CRYBG1: variants seen among roughly 807,000 people sequenced by gnomAD.
CRYBG1 encodes the protein crystallin beta-gamma domain containing 1.
CRYBG1 carries 139 observed loss-of-function variants against 189.2 expected under a neutral mutation model. The ratio of observed to expected loss-of-function variants is 0.73; its 90% CI spans 0.64 to 0.85. CRYBG1 has a LOEUF of 0.85. CRYBG1 is among the 40% of genes least tolerant of loss of function. CRYBG1 has a pLI of 0.00. For synonymous variants in CRYBG1, 1,023 were observed against 1,017.1 expected, an observed-to-expected ratio of 1.01 and a Z score of -0.11; for missense variants, 2,611 against 2,675.8, an observed-to-expected ratio of 0.98 and a Z score of 0.53.
At chr6:106,553,902 T>A (rs1348313216) in intron 16 of CRYBG1, among the ~76,000 whole-genome samples, 3 of 152,140 alleles carry the variant, frequency 2.0e-5, no homozygotes, top group Non-Finnish European at 4.4e-5. Flanking sequence ...ATCGGCACTC[T>A]GCATTAACAG....
chr6:106,560,690 A>G (rs1582841315), intron 18 of CRYBG1, 113 bp from the exon 19 acceptor site: 2 of 1,230,716 alleles, frequency 1.6e-6, no homozygotes, highest in African/African-American at 1.6e-5. Flanking sequence ...CCCCCAATGT[A>G]TGTTAAAAGT....
At position 106,370,683 on chromosome 6, in the gene CRYBG1, G is replaced by A. The variant is rs139300511; in HGVS notation, c.173+9602G>A. Among the ~76,000 whole-genome samples the A allele has an allele frequency of 1.6e-3, 248 of 152,292 alleles. 2 individuals carry two copies. Among genetic ancestry groups the A allele is most frequent in the African/African-American group, 5.6e-3 (234 of 41,564 alleles). On this transcript the variant is annotated intron_variant, in intron 1 of 21. Coordinates refer to ENST00000633556, the MANE Select transcript of CRYBG1 (RefSeq NM_001371242.2). ...GATAAGGAAACTGAAGTTCATGGAA[G>A]GTAATGCAGGTGGAGGAAGCAGGAC...
intron 1 of CRYBG1, among the ~76,000 whole-genome samples, chr6:106,423,694 CCTTTTTTTTTTTTTT>C (rs1771173653): frequency 2.0e-5 from 2 of 101,246 alleles, no homozygotes; most frequent in Non-Finnish European, 3.7e-5. Context: ...TTCTCCCTCC[CCTTTTTTTTTTTTTT>C]TTTTTTTTTT....
intron 2 of CRYBG1, among the ~76,000 whole-genome samples, chr6:106,470,617 G>C (rs1012472625): frequency 6.6e-6 from 1 of 152,068 alleles, no homozygotes; most frequent in Non-Finnish European, 1.5e-5. Context: ...ATAAAAAGAT[G>C]AGTCTAGAGC....
chr6:106,360,951 A>G lies in CRYBG1; in HGVS notation c.43A>G (p.Ser15Gly). Residue 15 changes from serine to glycine, a missense_variant, in exon 1 of 22, where the codon AGC (serine) becomes GGC (glycine). By Grantham distance (56) the Ser-to-Gly change is moderately conservative (BLOSUM62 0). Transcript: ENST00000633556. ...AGCCCAGGGCGACCCCGGGGAGCCCAGCCCGTGCAGGCCCCCTAAGAAGCA... is the reference window on the plus strand; with the variant it reads ...AGCCCAGGGCGACCCCGGGGAGCCCGGCCCGTGCAGGCCCCCTAAGAAGCA... ...PPAQGDPGEP[S>G]PCRPPKKHTT... 2 of 1,535,118 alleles carry G rather than the reference A, an allele frequency of 1.3e-6. No individual in the cohort carries two copies. The highest frequency in any genetic ancestry group is 1.7e-6 in the Non-Finnish European group (2 of 1,146,504).
At chr6:106,482,652 G>GTA (rs990116108) in intron 2 of CRYBG1, among the ~76,000 whole-genome samples, 4 of 152,128 alleles carry the variant, frequency 2.6e-5, no homozygotes, top group African/African-American at 9.7e-5. Flanking sequence ...GCGGGCACCT[G>GTA]TATTCCCAGC....
chr6:106,365,747 G>C (rs1771975956), intron 1 of CRYBG1, among the ~76,000 whole-genome samples: 1 of 151,070 alleles, frequency 6.6e-6, no homozygotes. Flanking sequence ...TCCACATCTA[G>C]AAACAAGCAT....
chr6:106,558,653 A>G (rs1774620403), intron 18 of CRYBG1, 28 bp downstream of exon 18: 1 of 1,558,204 alleles, frequency 6.4e-7, no homozygotes, highest in African/African-American at 1.4e-5. Context: ...TGACTCAATA[A>G]AATAGATCAT....
At chr6:106,472,909 T>TAAAA (rs34714366) in intron 2 of CRYBG1, among the ~76,000 whole-genome samples, 63 of 137,218 alleles carry the variant, frequency 4.6e-4, no homozygotes, top group Middle Eastern at 7.9e-3. Context: ...GTCTCAAAAT[T>TAAAA]AAAAAAAAAA....
chr6:106,475,124 G>GT (rs1298240533), intron 2 of CRYBG1, among the ~76,000 whole-genome samples: 1 of 152,094 alleles, frequency 6.6e-6, no homozygotes, highest in African/African-American at 2.4e-5. Context: ...AAACTTTTAG[G>GT]TGTTCAGAAT....
At chr6:106,477,850 T>C (rs1772362811) in intron 2 of CRYBG1, among the ~76,000 whole-genome samples, 1 of 152,258 alleles carries the variant, frequency 6.6e-6, no homozygotes, top group Admixed American at 6.5e-5. Context: ...GTGAAGGTTT[T>C]CTTCCTGTGT....
At chr6:106,373,469 C>T (rs565621629) in intron 1 of CRYBG1, among the ~76,000 whole-genome samples, 12 of 152,120 alleles carry the variant, frequency 7.9e-5, no homozygotes, top group East Asian at 1.9e-4. Context: ...AATTTGTAGG[C>T]GATACAGTTG....
chr6:106,484,169 G>T (rs1772544834), intron 2 of CRYBG1, among the ~76,000 whole-genome samples: 1 of 151,938 alleles, frequency 6.6e-6, no homozygotes, highest in Non-Finnish European at 1.5e-5. Context: ...CACAAATTTT[G>T]GGGGGGCACT....
chr6:106,530,655 C>T (rs1015063410), intron 8 of CRYBG1, among the ~76,000 whole-genome samples: 1 of 145,220 alleles, frequency 6.9e-6, no homozygotes, highest in Non-Finnish European at 1.5e-5. Context: ...AAGCACATGC[C>T]CCTGATATTT....
intron 1 of CRYBG1, among the ~76,000 whole-genome samples, chr6:106,406,569 C>T (rs1383385004): frequency 1.3e-5 from 2 of 152,098 alleles, no homozygotes; most frequent in Non-Finnish European, 2.9e-5. Context: ...AACAGCAACC[C>T]CAAGACACAT....
intron 1 of CRYBG1, among the ~76,000 whole-genome samples, chr6:106,421,085 C>T (rs1049537964): frequency 1.3e-5 from 2 of 152,088 alleles, no homozygotes; most frequent in Non-Finnish European, 2.9e-5. Context: ...GGAAGCCATC[C>T]CACTTTGAGA....
Position 106,525,130 on chromosome 6 carries a change from C to T in CRYBG1, c.4246-3C>T. 5 of 1,613,550 alleles carry T rather than the reference C, an allele frequency of 3.1e-6. No individual in the cohort carries two copies. Among genetic ancestry groups the T allele is most frequent in the East Asian group, 2.2e-5 (1 of 44,852 alleles). On this transcript the variant is annotated splice_region_variant and splice_polypyrimidine_tract_variant and intron_variant, in intron 4 of 21. Transcript: ENST00000633556. ...TGTTGTGTTTTTGTTCATCTGATTG[C>T]AGACACTTAGAGGAAGTGTCCAAAA...
chr6:106,488,742 A>G lies in CRYBG1; in HGVS notation c.313-22688A>G, dbSNP rs145665183. Among the ~76,000 whole-genome samples the G allele has an allele frequency of 4.4e-3, 674 of 152,224 alleles. 4 individuals carry two copies. Among genetic ancestry groups the G allele is most frequent in the South Asian group, 9.5e-3 (46 of 4,820 alleles). ...GTGTCCCTGGGTGATAAGGTGCCTC[A>G]TGAATTTTGGCGTGGGTGTCCCAGT... On this transcript the variant is annotated intron_variant, in intron 2 of 21. Coordinates refer to ENST00000633556, the MANE Select transcript of CRYBG1 (RefSeq NM_001371242.2).
rs750082715 is a variant in CRYBG1 at position 106,519,931 on chromosome 6, A to G, written c.2723A>G (p.His908Arg). 6 of 1,614,106 alleles carry G rather than the reference A, an allele frequency of 3.7e-6. No individual in the cohort carries two copies. The highest frequency in any genetic ancestry group is 3.3e-5 in the South Asian group (3 of 91,090). The change falls in exon 4 of 22, where the codon CAT becomes CGT. Residue 908 changes from histidine to arginine, a missense_variant. His to Arg is a conservative substitution (Grantham distance 29). Around this residue, in one of 3 missense-constraint regions of CRYBG1, gnomAD observed 1,622 missense variants for 1,735.0 expected, o/e 0.93. Transcript: ENST00000633556. ...ACTGATCTAAAAGTGTCAGAAAACC[A>G]TAAAGGATGTGTTTTGCCTGTGTCT... Reference protein sequence around the residue: ...PCTDLKVSENHKGCVLPVSRQ... With the variant: ...PCTDLKVSENRKGCVLPVSRQ...
Sources: gnomAD v4.1 joint callset for allele counts (sites outside exome capture counted in the v4.1 genomes callset) on GRCh38, gnomAD v4.1.1 for gene constraint, gnomAD v4.1.1 regional missense constraint, MANE v1.5 for transcripts, NCBI Gene and HGNC (gene_info 2026-07-23, HGNC 2026-07-21) for gene names.